The following IQCM variants were observed in gnomAD, a reference collection of about 807,000 sequenced individuals.
The protein encoded by IQCM is IQ motif containing M.
Under a neutral mutation model 57.6 loss-of-function variants are expected in IQCM, and 45 were observed. The ratio of observed to expected loss-of-function variants is 0.78; its 90% CI spans 0.62 to 1.00. The LOEUF is 1.00. Ranked by LOEUF, IQCM falls within the 50% of genes least tolerant of loss-of-function variation. The probability of loss-of-function intolerance (pLI) is 0.00; values close to 1 mark genes in which losing one functional copy is unlikely to be tolerated. For missense variants in IQCM, 468 were observed against 511.6 expected (o/e 0.91, Z 0.82); for synonymous variants, 148 against 158.9 (o/e 0.93, Z 0.51).
At chr4:149,415,544 T>A (rs573322214) in intron 13 of IQCM, among the ~76,000 whole-genome samples, 1 of 152,266 alleles carries the variant, frequency 6.6e-6, no homozygotes, top group African/African-American at 2.4e-5. Flanking sequence ...TGATTGTTAC[T>A]CTGTTTTGTG....
intron 13 of IQCM, among the ~76,000 whole-genome samples, chr4:149,391,287 G>A (rs1731835930): frequency 1.3e-5 from 2 of 151,816 alleles, no homozygotes; most frequent in Admixed American, 1.3e-4. Context: ...ATGGCATACA[G>A]TTGCTTATAG....
At chr4:149,630,734 A>G (rs1424258510) in intron 7 of IQCM, among the ~76,000 whole-genome samples, 1 of 152,224 alleles carries the variant, frequency 6.6e-6, no homozygotes, top group Non-Finnish European at 1.5e-5. Context: ...AGTCTTTTAA[A>G]TGTTCATATT....
intron 12 of IQCM, among the ~76,000 whole-genome samples, chr4:149,457,400 G>T (rs943051035): frequency 1.3e-5 from 2 of 152,030 alleles, no homozygotes; most frequent in Non-Finnish European, 2.9e-5. Context: ...GCACCCAAAA[G>T]TAGAAGAGAT....
rs72957434 is a variant in IQCM at position 149,615,168 on chromosome 4, T to G, written c.681+5961A>C. ...TCAGCTATGACTACAATCCCCTACATTATATGTTCCATGATTGCTTCATAC... is the reference window on the plus strand; with the variant it reads ...TCAGCTATGACTACAATCCCCTACAGTATATGTTCCATGATTGCTTCATAC... On this transcript the variant is annotated intron_variant, in intron 8 of 13. Coordinates refer to ENST00000636793, the MANE Select transcript of IQCM (RefSeq NM_001363507.2). 2.8e-3 allele frequency among the ~76,000 whole-genome samples: 430 copies of G among 152,244 alleles called. 2 individuals carry two copies. The highest frequency in any genetic ancestry group is 9.8e-3 in the African/African-American group (406 of 41,548).
chr4:149,546,983 G>T (rs564018812), intron 12 of IQCM, among the ~76,000 whole-genome samples: 1 of 152,116 alleles, frequency 6.6e-6, no homozygotes, highest in Non-Finnish European at 1.5e-5. Context: ...AATCCATCTT[G>T]AATTAATTTT....
intron 5 of IQCM, among the ~76,000 whole-genome samples, chr4:149,688,344 T>C (rs1210549542): frequency 6.6e-6 from 1 of 151,802 alleles, no homozygotes; most frequent in Non-Finnish European, 1.5e-5. Context: ...ACTCAACCCC[T>C]TTTACAATAG....
In IQCM at chr4:149,667,877, G is replaced by C. The variant is rs146565546; in HGVS notation, c.565+14241C>G. On this transcript the variant is annotated intron_variant, in intron 7 of 13. Coordinates refer to ENST00000636793, the MANE Select transcript of IQCM (RefSeq NM_001363507.2). ...GAAATAAAGCATGAAGACAAGATTA[G>C]AGAAGAATGAAAAGGAACAAAAAAA... Among the ~76,000 whole-genome samples, 606 of 151,878 alleles carry C rather than the reference G, an allele frequency of 4.0e-3. 2 individuals carry two copies. The highest frequency in any genetic ancestry group is 0.014 in the African/African-American group (580 of 41,470).
intron 5 of IQCM, among the ~76,000 whole-genome samples, chr4:149,715,728 A>G (rs1764934870): frequency 6.6e-6 from 1 of 152,156 alleles, no homozygotes; most frequent in Admixed American, 6.5e-5. Flanking sequence ...GAGCAACAGT[A>G]CAGCTCTCAG....
chr4:149,498,053 CT>C (rs1388655167), intron 12 of IQCM, among the ~76,000 whole-genome samples: 4 of 152,134 alleles, frequency 2.6e-5, no homozygotes, highest in African/African-American at 9.6e-5. Context: ...AAAGTTAGAA[CT>C]GGCCCTACCA....
At chr4:149,627,401 T>C (rs1440977828) in intron 7 of IQCM, among the ~76,000 whole-genome samples, 3 of 152,136 alleles carry the variant, frequency 2.0e-5, no homozygotes, top group Non-Finnish European at 4.4e-5. Context: ...GCTCACTGCA[T>C]AGATCAATTT....
intron 7 of IQCM, among the ~76,000 whole-genome samples, chr4:149,669,272 T>A (rs1283016529): frequency 6.6e-6 from 1 of 152,218 alleles, no homozygotes; most frequent in Non-Finnish European, 1.5e-5. Flanking sequence ...GCTACATAAA[T>A]GTCCTCTTTC....
intron 12 of IQCM, among the ~76,000 whole-genome samples, chr4:149,502,419 A>T (rs1202489459): frequency 6.6e-6 from 1 of 152,142 alleles, no homozygotes; most frequent in Non-Finnish European, 1.5e-5. Context: ...TTTAAACCCA[A>T]CACTTTGGGA....
intron 2 of IQCM, among the ~76,000 whole-genome samples, chr4:149,807,076 CTA>C (rs1037132197): frequency 5.9e-5 from 9 of 151,884 alleles, no homozygotes; most frequent in African/African-American, 2.2e-4. Flanking sequence ...ATTAAAATCT[CTA>C]TACTATCCAA....
intron 12 of IQCM, among the ~76,000 whole-genome samples, chr4:149,452,745 G>T (rs1737260789): frequency 6.6e-6 from 1 of 151,480 alleles, no homozygotes; most frequent in African/African-American, 2.4e-5. Flanking sequence ...ATCGTTATTG[G>T]TTTGTTTCAA....
intron 6 of IQCM, 70 bp downstream of exon 6, chr4:149,686,308 A>G (rs1390551524): frequency 6.0e-6 from 4 of 668,124 alleles, no homozygotes; most frequent in Admixed American, 4.4e-5. Context: ...GACCATGACA[A>G]TTGGTCAGGG....
intron 12 of IQCM, among the ~76,000 whole-genome samples, chr4:149,480,059 T>A (rs1035514079): frequency 1.5e-4 from 23 of 152,234 alleles, no homozygotes; most frequent in Non-Finnish European, 2.1e-4. Context: ...ATATGACTAC[T>A]GACATGTAAA....
At position 149,553,217 on chromosome 4, in the gene IQCM, T is replaced by TA. The variant is rs1749204261; in HGVS notation, c.1018dup (p.Tyr340LeufsTer28). ...TCTTGTCCTCCAAAGACCACGTCGA[T>TA]ATCTAACACGGTGGATTAGTCTGCC... On this transcript the variant is annotated frameshift_variant, in exon 11 of 14. Coordinates refer to ENST00000636793, the MANE Select transcript of IQCM (RefSeq NM_001363507.2). LOFTEE classifies it high-confidence loss of function. 3.2e-6 allele frequency: 4 copies of TA among 1,232,038 alleles called. No homozygotes were observed. The highest frequency in any genetic ancestry group is 4.0e-6 in the Non-Finnish European group (4 of 987,864). The allele number at this position is 1,232,038 out of a possible 1,614,324, so 76.3% of individuals were successfully genotyped here.
intron 13 of IQCM, among the ~76,000 whole-genome samples, chr4:149,354,376 A>C (rs1352803471): frequency 1.8e-4 from 21 of 117,230 alleles, no homozygotes; most frequent in Non-Finnish European, 3.3e-4. Context: ...AAAAAAAAAA[A>C]AAAAAAAAAA....
chr4:149,727,182 A>T (rs148443153), intron 5 of IQCM, among the ~76,000 whole-genome samples: 1 of 152,144 alleles, frequency 6.6e-6, no homozygotes, highest in African/African-American at 2.4e-5. Flanking sequence ...AATGACTCCA[A>T]CCTTTCCCAT....
Sources: gnomAD v4.1 joint callset for allele counts (sites outside exome capture counted in the v4.1 genomes callset) on GRCh38, gnomAD v4.1.1 for gene constraint, MANE v1.5 for transcripts, NCBI Gene and HGNC (gene_info 2026-07-23, HGNC 2026-07-21) for gene names.